PPP1R15B: variants seen among roughly 807,000 people sequenced by gnomAD.
The protein encoded by PPP1R15B is protein phosphatase 1, regulatory (inhibitor) subunit 15B.
A neutral mutation model predicts 53.9 loss-of-function variants in PPP1R15B; 31 were observed. That is an observed-to-expected ratio of 0.58 (90% CI 0.43 to 0.78). The LOEUF (loss-of-function observed/expected upper bound fraction) is 0.78. Ranked by LOEUF, PPP1R15B falls within the 30% of genes least tolerant of loss-of-function variation. The pLI is 0.00. For missense variants in PPP1R15B, 928 were observed against 849.6 expected (o/e 1.09, Z -1.15); for synonymous variants, 345 against 329.1 (o/e 1.05, Z -0.52).
chr1:204,399,776 T>G (rs1026967436), downstream of PPP1R15B, among the ~76,000 whole-genome samples: 1 of 151,414 alleles, frequency 6.6e-6, no homozygotes, highest in African/African-American at 2.4e-5. Context: ...AAAGGAGGGG[T>G]TGGGGGATAG....
downstream of PPP1R15B, among the ~76,000 whole-genome samples, chr1:204,396,480 G>A (rs1382659157): frequency 1.3e-5 from 2 of 151,628 alleles, no homozygotes; most frequent in African/African-American, 4.8e-5. Context: ...CTGAACCCAG[G>A]GAGATAAGGC....
downstream of PPP1R15B, among the ~76,000 whole-genome samples, chr1:204,400,460 C>A (rs2103439539): frequency 6.6e-6 from 1 of 151,140 alleles, no homozygotes; most frequent in Non-Finnish European, 1.5e-5. Flanking sequence ...CAGGCATGCA[C>A]TACCTTGCCC....
At chr1:204,400,665 T>A, downstream of PPP1R15B, 1 of 682,746 alleles carries the variant, frequency 1.5e-6, no homozygotes, top group Non-Finnish European at 1.8e-6. Context: ...AACATTTTAG[T>A]GGGAAAATGT....
rs1323612224 is a variant in PPP1R15B at position 204,405,019 on chromosome 1, C to T, written c.*1073G>A. The T allele has an allele frequency of 1.6e-5, 16 of 985,544 alleles. No homozygotes were observed. The highest frequency in any genetic ancestry group is 1.7e-5 in the African/African-American group (1 of 57,202). The allele number at this position is 985,544 out of a possible 1,614,324, so 61.0% of individuals were successfully genotyped here. A position where few individuals can be genotyped will look rare whatever the true frequency, so the allele number is the denominator to read the frequency against. ...AGGACACAATAAACCTGGATATTGA[C>T]TGAAGTTTATATTTTACATTTCAAA... On this transcript the variant is annotated 3_prime_UTR_variant, in exon 2 of 2. Transcript: ENST00000367188.
intron 1 of PPP1R15B, among the ~76,000 whole-genome samples, chr1:204,407,921 T>A (rs1674295418): frequency 6.6e-6 from 1 of 152,188 alleles, no homozygotes. Flanking sequence ...TCAGACATAA[T>A]CATTTATAAA....
At position 204,411,315 on chromosome 1, in the gene PPP1R15B, A is replaced by C. The variant is rs746855147; in HGVS notation, c.97T>G (p.Ser33Ala). ...CCAAGAGGCGTCGGGAACTTAGAAG[A>C]GCCTGCTTGCGATCGCCGAGGGAAA... ...PFFPRRSQAG[S>A]SKFPTPLGPE... Residue 33 changes from serine (S) to alanine (A), a missense_variant, in exon 1 of 2, where the codon TCT becomes GCT. Coordinates refer to ENST00000367188, the MANE Select transcript of PPP1R15B (RefSeq NM_032833.5). 1 of 1,614,000 alleles carries C rather than the reference A, an allele frequency of 6.2e-7. No homozygotes were observed. The highest frequency in any genetic ancestry group is 8.5e-7 in the Non-Finnish European group (1 of 1,180,032).
At position 204,409,432 on chromosome 1, in the gene PPP1R15B, T is replaced by C. The variant is rs926469250; in HGVS notation, c.1920+60A>G. On this transcript the variant is annotated intron_variant, in intron 1 of 1. Transcript: ENST00000367188. ...CTAAGCCTCCAAAGTCATGCTGCTATATTTAAGCATATAAAAACAGTCAGA... is the reference window on the plus strand; with the variant it reads ...CTAAGCCTCCAAAGTCATGCTGCTACATTTAAGCATATAAAAACAGTCAGA... 10 of 1,523,854 alleles carry C rather than the reference T, an allele frequency of 6.6e-6. No homozygotes were observed. The Admixed American group carries it at 1.1e-4, about 16-fold the overall frequency. The allele number at this position is 1,523,854 out of a possible 1,614,324, so 94.4% of individuals were successfully genotyped here. A position where few individuals can be genotyped will look rare whatever the true frequency, so the allele number is the denominator to read the frequency against.
rs746011297 is a variant in PPP1R15B, at chr1:204,409,758, T to G, written c.1654A>C (p.Ser552Arg). Residue 552 changes from serine (S) to arginine (R), a missense_variant, in exon 1 of 2, where the codon AGT becomes CGT. Physicochemically the swap from Ser to Arg is moderately radical, Grantham distance 110. Transcript: ENST00000367188. ...CAGAATGAGTTCCACAGTTTGAGACTCTCTGCTTCATCTGCACTAGATTCC... is the reference window on the plus strand; with the variant it reads ...CAGAATGAGTTCCACAGTTTGAGACGCTCTGCTTCATCTGCACTAGATTCC... The part of the protein sequence containing the change: ...DWESSADEAE[S>R]LKLWNSFCNS... 1 of 1,614,154 alleles carries G rather than the reference T, an allele frequency of 6.2e-7. No homozygotes were observed. Among genetic ancestry groups the G allele is most frequent in the Non-Finnish European group, 8.5e-7 (1 of 1,180,024 alleles).
chr1:204,402,607 GGA>G (rs1460581106), downstream of PPP1R15B, among the ~76,000 whole-genome samples: 5 of 151,606 alleles, frequency 3.3e-5, no homozygotes, highest in African/African-American at 4.8e-5. Context: ...TTTTTGTAGA[GGA>G]AAGTGTCTCA....
intron 1 of PPP1R15B, among the ~76,000 whole-genome samples, chr1:204,406,903 C>G (rs1004969330): frequency 1.3e-5 from 2 of 152,062 alleles, no homozygotes; most frequent in Non-Finnish European, 2.9e-5. Flanking sequence ...TCTGCCCCCC[C>G]CAATCCCCCA....
Position 204,404,311 on chromosome 1 carries a change from G to GT in PPP1R15B, c.*1780dup. 1 of 713,332 alleles carries GT rather than the reference G, an allele frequency of 1.4e-6. No homozygotes were observed. The highest frequency in any genetic ancestry group is 1.7e-6 in the Non-Finnish European group (1 of 582,164). 44.2% of individuals were successfully genotyped at this position (713,332 alleles called of 1,614,324 possible). On this transcript the variant is annotated 3_prime_UTR_variant, in exon 2 of 2. Coordinates refer to ENST00000367188, the MANE Select transcript of PPP1R15B (RefSeq NM_032833.5). ...AGTCTGGCCAACATAGCGAAACCCC[G>GT]TCTCTACTAAAAAGACACAAAAAAT...
At position 204,409,448 on chromosome 1, in the gene PPP1R15B, AAC is replaced by A. The variant is rs547742029; in HGVS notation, c.1920+42_1920+43del. ...ATGCTGCTATATTTAAGCATATAAA[AAC>A]AGTCAGAACATATCAGGCATGTTAA... On this transcript the variant is annotated intron_variant, in intron 1 of 1. Transcript: ENST00000367188. 9.0e-6 allele frequency: 14 copies of A among 1,547,624 alleles called. 1 individual carries two copies. The highest frequency in any genetic ancestry group is 6.2e-5 in the South Asian group (5 of 80,032).
chr1:204,400,183 G>A (rs1211495560), downstream of PPP1R15B, among the ~76,000 whole-genome samples: 1 of 148,816 alleles, frequency 6.7e-6, no homozygotes, highest in Admixed American at 6.8e-5. Context: ...GCTGCAGTGA[G>A]CTGTGATCAT....
downstream of PPP1R15B, among the ~76,000 whole-genome samples, chr1:204,401,696 T>G (rs746937487): frequency 6.6e-6 from 1 of 152,148 alleles, no homozygotes; most frequent in Non-Finnish European, 1.5e-5. Context: ...TTCCCAAATC[T>G]GAGTAACTAT....
Position 204,410,339 on chromosome 1 carries a change from T to C in PPP1R15B, c.1073A>G (p.Gln358Arg). The change falls in exon 1 of 2, where the codon CAG (glutamine) becomes CGG (arginine). Residue 358 changes from glutamine to arginine, a missense_variant. Transcript: ENST00000367188. Reference sequence around the variant, plus strand: ...TTCTATTTTTTCTTCAGTGGATTCCTGGGTGTTTCCAGGAATGTCTCCAGC... The same window carrying C: ...TTCTATTTTTTCTTCAGTGGATTCCCGGGTGTTTCCAGGAATGTCTCCAGC... The part of the protein sequence containing the change: ...PAAGDIPGNT[Q>R]ESTEEKIELL... The C allele has an allele frequency of 6.2e-7, 1 of 1,614,182 alleles. No individual in the cohort carries two copies.
At position 204,410,129 on chromosome 1, in the gene PPP1R15B, T is replaced by G. The variant is rs1257748376; in HGVS notation, c.1283A>C (p.Tyr428Ser). 1 of 1,614,048 alleles carries G rather than the reference T, an allele frequency of 6.2e-7. No homozygotes were observed. Among genetic ancestry groups the G allele is most frequent in the Admixed American group, 1.7e-5 (1 of 60,032 alleles). Residue 428 changes from tyrosine to serine, a missense_variant, in exon 1 of 2, where the codon TAT becomes TCT. Transcript: ENST00000367188. ...RPACSNKLID[Y>S]ILGGASSDLE... ...GTCACTGGATGCACCTCCCAAAATA[T>G]AATCTATCAGTTTGTTACTACAAGC...
downstream of PPP1R15B, chr1:204,400,770 T>A: frequency 1.0e-6 from 1 of 969,290 alleles, no homozygotes; most frequent in South Asian, 4.8e-5. Flanking sequence ...AAGTTCTTCA[T>A]CCTTCTTCTT....
In PPP1R15B at chr1:204,403,629, T is replaced by C. The variant is rs964526921; in HGVS notation, c.*2463A>G. 3.0e-6 allele frequency: 3 copies of C among 985,538 alleles called. No homozygotes were observed. Among genetic ancestry groups the C allele is most frequent in the Non-Finnish European group, 1.2e-6 (1 of 829,618 alleles). The allele number at this position is 985,538 out of a possible 1,614,324, so 61.0% of individuals were successfully genotyped here. On this transcript the variant is annotated 3_prime_UTR_variant, in exon 2 of 2. Coordinates refer to ENST00000367188, the MANE Select transcript of PPP1R15B (RefSeq NM_032833.5). Reference sequence around the variant, plus strand: ...ATTTCATCACTCAGAAATGGAACTTTTACCTGTCTGTACAAAGCCTTTTAC... The same window carrying C: ...ATTTCATCACTCAGAAATGGAACTTCTACCTGTCTGTACAAAGCCTTTTAC...
rs774808242 is a variant in PPP1R15B at position 204,410,926 on chromosome 1, G to A, written c.486C>T (p.Ala162=). ...CTGCAGGGTCCAAAGCACTTCCCTT[G>A]GCCTTAAGCTCCAATTTTAGGTCTG... is the stretch of plus-strand genomic sequence containing the variant. ...SPPDLKLELK[A]KGSALDPAAQ... Residue 162 remains alanine (A), a synonymous_variant, in exon 1 of 2, where the codon GCC becomes GCT. Coordinates refer to ENST00000367188, the MANE Select transcript of PPP1R15B (RefSeq NM_032833.5). The A allele has an allele frequency of 1.9e-6, 3 of 1,613,890 alleles. No individual in the cohort carries two copies. The highest frequency in any genetic ancestry group is 1.7e-6 in the Non-Finnish European group (2 of 1,179,992).
Sources: gnomAD v4.1 joint callset for allele counts (sites outside exome capture counted in the v4.1 genomes callset) on GRCh38, gnomAD v4.1.1 for gene constraint, MANE v1.5 for transcripts, NCBI Gene and HGNC (gene_info 2026-07-23, HGNC 2026-07-21) for gene names.